RXFP1: variants seen among roughly 807,000 people sequenced by gnomAD.
RXFP1 encodes the protein relaxin family peptide receptor 1, also known as relaxin receptor 1.
In RXFP1, 73 loss-of-function variants were observed where a neutral mutation model predicts 89.8. The ratio of observed to expected loss-of-function variants is 0.81; its 90% CI spans 0.67 to 0.99. The LOEUF (loss-of-function observed/expected upper bound fraction) is 0.99, where lower values mean the gene tolerates loss of function less well. Among genes scored for constraint, RXFP1 ranks in the 50% least tolerant of loss-of-function variants. The pLI is 0.00. For synonymous variants in RXFP1, 277 were observed against 305.5 expected, an observed-to-expected ratio of 0.91 and a Z score of 0.97; for missense variants, 793 against 895.5, an observed-to-expected ratio of 0.89 and a Z score of 1.46.
At chr4:158,589,870 C>T (rs1759073008) in intron 2 of RXFP1, among the ~76,000 whole-genome samples, 1 of 151,914 alleles carries the variant, frequency 6.6e-6, no homozygotes, top group African/African-American at 2.4e-5. Flanking sequence ...CTTAGCAACA[C>T]AGAGAGACCC....
At chr4:158,544,039 T>G in intron 1 of RXFP1, 1 of 985,220 alleles carries the variant, frequency 1.0e-6, no homozygotes, top group East Asian at 1.1e-4. Context: ...TGAGATCGGA[T>G]CAATTCAGCT....
At chr4:158,538,090 A>G (rs1174580598) in intron 1 of RXFP1, among the ~76,000 whole-genome samples, 2 of 152,246 alleles carry the variant, frequency 1.3e-5, no homozygotes, top group Non-Finnish European at 2.9e-5. Flanking sequence ...TAAGTGAGGG[A>G]AGAAATGTGG....
intron 9 of RXFP1, among the ~76,000 whole-genome samples, chr4:158,621,228 C>A (rs981389630): frequency 6.6e-6 from 1 of 152,064 alleles, no homozygotes; most frequent in South Asian, 2.1e-4. Flanking sequence ...GGGAGGATAG[C>A]GTGAGCCTGA....
At chr4:158,524,945 A>T (rs1742119572) in intron 1 of RXFP1, among the ~76,000 whole-genome samples, 1 of 152,182 alleles carries the variant, frequency 6.6e-6, no homozygotes, top group South Asian at 2.1e-4. Flanking sequence ...GGACCGGCCC[A>T]GCTTAGTAAG....
intron 1 of RXFP1, among the ~76,000 whole-genome samples, chr4:158,542,490 T>C (rs1747056153): frequency 6.6e-6 from 1 of 152,192 alleles, no homozygotes. Context: ...GAAAGAAAGC[T>C]ACATGTTATG....
At chr4:158,549,934 G>C (rs1364367375) in intron 1 of RXFP1, among the ~76,000 whole-genome samples, 2 of 152,218 alleles carry the variant, frequency 1.3e-5, no homozygotes, top group African/African-American at 4.8e-5. Context: ...CCCATTCTCA[G>C]ATCTCCAGCT....
Position 158,593,473 on chromosome 4 carries a change from C to A in RXFP1, c.260C>A (p.Pro87His). The change falls in exon 3 of 18, where the codon CCT (proline) becomes CAT (histidine). Residue 87 changes from proline (P) to histidine (H), a missense_variant. By Grantham distance (77) the Pro-to-His change is moderately conservative. Coordinates refer to ENST00000307765, the MANE Select transcript of RXFP1 (RefSeq NM_021634.4). ...ASYYKMTSQY[P>H]FEAETPECLV... Reference sequence around the variant, plus strand: ...TACTACAAAATGACTTCCCAATATCCTTTTGAGGCAGAAACACCTGAATGT... The same window carrying A: ...TACTACAAAATGACTTCCCAATATCATTTTGAGGCAGAAACACCTGAATGT... The A allele has an allele frequency of 6.2e-7, 1 of 1,608,418 alleles. No individual in the cohort carries two copies. Among genetic ancestry groups the A allele is most frequent in the Non-Finnish European group, 8.5e-7 (1 of 1,175,726 alleles).
chr4:158,601,633 T>C (rs760572909), intron 4 of RXFP1, among the ~76,000 whole-genome samples: 1 of 152,216 alleles, frequency 6.6e-6, no homozygotes, highest in Non-Finnish European at 1.5e-5. Flanking sequence ...GAAAAAGAAC[T>C]CTATGCTTTA....
intron 1 of RXFP1, among the ~76,000 whole-genome samples, chr4:158,533,738 A>G (rs1166059090): frequency 6.6e-6 from 1 of 152,096 alleles, no homozygotes; most frequent in East Asian, 1.9e-4. Context: ...TTCTGATACC[A>G]ATTTTCCCTA....
chr4:158,633,992 G>A (rs1017027080), intron 12 of RXFP1, among the ~76,000 whole-genome samples: 7 of 152,122 alleles, frequency 4.6e-5, no homozygotes, highest in South Asian at 2.1e-4. Flanking sequence ...GAACATGGGC[G>A]TACAAATATC....
At chr4:158,615,314 A>T (rs1302122478) in intron 8 of RXFP1, among the ~76,000 whole-genome samples, 1 of 151,922 alleles carries the variant, frequency 6.6e-6, no homozygotes, top group Admixed American at 6.6e-5. Context: ...AGGCGGGCAG[A>T]TCATCTGAGG....
At chr4:158,535,840 T>G (rs755092396) in intron 1 of RXFP1, among the ~76,000 whole-genome samples, 7 of 152,242 alleles carry the variant, frequency 4.6e-5, no homozygotes, top group Non-Finnish European at 8.8e-5. Context: ...AAGAGTTTGA[T>G]CTAGTCTGCG....
chr4:158,607,881 C>A, intron 5 of RXFP1, 91 bp from the exon 6 acceptor site: 2 of 779,408 alleles, frequency 2.6e-6, no homozygotes, highest in East Asian at 2.6e-5. Flanking sequence ...GCTATGCTAC[C>A]ATCACCATCA....
At chr4:158,567,926 C>T (rs1021056859) in intron 1 of RXFP1, among the ~76,000 whole-genome samples, 1 of 152,196 alleles carries the variant, frequency 6.6e-6, no homozygotes, top group Non-Finnish European at 1.5e-5. Flanking sequence ...TGTTCTTTTG[C>T]TCGTTGCAAT....
chr4:158,559,119 A>G (rs1247067911), intron 1 of RXFP1, among the ~76,000 whole-genome samples: 1 of 152,156 alleles, frequency 6.6e-6, no homozygotes, highest in Non-Finnish European at 1.5e-5. Context: ...CTTTACTATC[A>G]TATTTTTAGT....
intron 8 of RXFP1, 150 bp downstream of exon 8, chr4:158,612,512 G>T: frequency 1.8e-6 from 1 of 563,562 alleles, no homozygotes; most frequent in Non-Finnish European, 3.1e-6. Flanking sequence ...TATTCTATAA[G>T]GCTATTTATA....
intron 2 of RXFP1, among the ~76,000 whole-genome samples, chr4:158,583,902 A>G (rs988999784): frequency 1.7e-4 from 26 of 152,198 alleles, no homozygotes; most frequent in African/African-American, 6.0e-4. Context: ...TTAAGACCCC[A>G]GAAAGAGGTA....
At chr4:158,627,507 GT>G (rs1554020033) in intron 10 of RXFP1, among the ~76,000 whole-genome samples, 70 of 3,918 alleles carry the variant, frequency 0.018, 1 homozygote, top group South Asian at 0.11. Context: ...GCCTTAGGGT[GT>G]GTGTGTGTGT....
chr4:158,619,834 C>T (rs1020161961), intron 9 of RXFP1, among the ~76,000 whole-genome samples: 1 of 151,452 alleles, frequency 6.6e-6, no homozygotes, highest in Non-Finnish European at 1.5e-5. Context: ...AAAAAAAAAA[C>T]CACTCCAGCC....
Sources: allele counts gnomAD v4.1 joint callset (sites outside exome capture counted in the v4.1 genomes callset), GRCh38; gene constraint gnomAD v4.1.1; transcripts MANE v1.5; gene names NCBI Gene and HGNC (gene_info 2026-07-23, HGNC 2026-07-21).